Variants in PITPNB observed in about 807,000 individuals in gnomAD.
PITPNB encodes the protein phosphatidylinositol transfer protein beta isoform.
In PITPNB, 16 loss-of-function variants were observed where a neutral mutation model predicts 45.9. The observed-to-expected ratio is 0.35, with a 90% CI of 0.24 to 0.53. The LOEUF is 0.53. Among genes scored for constraint, PITPNB ranks in the 20% least tolerant of loss-of-function variants. The pLI, the probability that PITPNB is intolerant of heterozygous loss-of-function variation, is 0.93. For missense variants in PITPNB, 188 were observed against 330.5 expected (o/e 0.57, Z 3.34); for synonymous variants, 112 against 108.9 (o/e 1.03, Z -0.18).
intron 3 of PITPNB, among the ~76,000 whole-genome samples, chr22:27,901,134 T>G (rs1248210994): frequency 6.6e-6 from 1 of 152,196 alleles, no homozygotes; most frequent in Non-Finnish European, 1.5e-5. Flanking sequence ...TTTCAGCTGC[T>G]TAAGAGTGAA....
chr22:27,912,679 T>G (rs1408637518), intron 2 of PITPNB, among the ~76,000 whole-genome samples: 1 of 150,676 alleles, frequency 6.6e-6, no homozygotes, highest in Admixed American at 6.6e-5. Context: ...ACAGAAGGCA[T>G]GTTTTAAAAA....
At chr22:27,909,983 G>T (rs1282510624) in intron 3 of PITPNB, among the ~76,000 whole-genome samples, 1 of 141,296 alleles carries the variant, frequency 7.1e-6, no homozygotes, top group East Asian at 2.0e-4. Context: ...ACGGAGTCTC[G>T]CTCTGTCACC....
intron 7 of PITPNB, among the ~76,000 whole-genome samples, chr22:27,877,488 A>G (rs1361684445): frequency 1.3e-5 from 2 of 152,250 alleles, no homozygotes; most frequent in Non-Finnish European, 2.9e-5. Flanking sequence ...GCCACAGAAT[A>G]CACTCATTAA....
chr22:27,882,265 T>G (rs1162184977), intron 7 of PITPNB, among the ~76,000 whole-genome samples: 2 of 152,094 alleles, frequency 1.3e-5, no homozygotes, highest in East Asian at 3.9e-4. Flanking sequence ...ACACCCATGG[T>G]TTAAAACAAT....
chr22:27,856,575 G>A (rs1357314109), intron 10 of PITPNB, among the ~76,000 whole-genome samples: 1 of 152,340 alleles, frequency 6.6e-6, no homozygotes, highest in East Asian at 1.9e-4. Flanking sequence ...GTCCAAACCA[G>A]ATAGGGCTTA....
intron 8 of PITPNB, among the ~76,000 whole-genome samples, chr22:27,866,217 A>C (rs995920074): frequency 6.6e-6 from 1 of 152,246 alleles, no homozygotes; most frequent in Non-Finnish European, 1.5e-5. Context: ...TTCATCTGTA[A>C]TACAGTAAGC....
intron 8 of PITPNB, among the ~76,000 whole-genome samples, chr22:27,864,879 A>T (rs1020578738): frequency 1.3e-5 from 2 of 152,114 alleles, no homozygotes; most frequent in Non-Finnish European, 2.9e-5. Flanking sequence ...CAGAGGTTGC[A>T]GTGAGCTGAG....
intron 2 of PITPNB, among the ~76,000 whole-genome samples, chr22:27,913,736 G>A (rs1010449111): frequency 6.6e-6 from 1 of 152,188 alleles, no homozygotes; most frequent in African/African-American, 2.4e-5. Context: ...ATTAAGCCAA[G>A]TGAATGTGCT....
intron 7 of PITPNB, among the ~76,000 whole-genome samples, chr22:27,884,630 C>G (rs2146382931): frequency 6.6e-6 from 1 of 152,260 alleles, no homozygotes; most frequent in Non-Finnish European, 1.5e-5. Context: ...TGATCTTGAA[C>G]CATCTCATTT....
At chr22:27,916,543 G>A (rs563545284) in intron 1 of PITPNB, among the ~76,000 whole-genome samples, 1 of 152,328 alleles carries the variant, frequency 6.6e-6, no homozygotes, top group South Asian at 2.1e-4. Flanking sequence ...CAGGTGCGGT[G>A]ACTCACACCT....
chr22:27,897,938 C>A, intron 3 of PITPNB, 46 bp from the exon 4 acceptor site: 3 of 1,297,542 alleles, frequency 2.3e-6, no homozygotes, highest in East Asian at 2.3e-5. Context: ...ACCATCAATT[C>A]TTTCTTGGTA....
Position 27,860,188 on chromosome 22 carries a change from C to A in PITPNB, c.588G>T (p.Val196=). 1 of 1,613,938 alleles carries A rather than the reference C, an allele frequency of 6.2e-7. No individual in the cohort carries two copies. Among genetic ancestry groups the A allele is most frequent in the South Asian group, 1.1e-5 (1 of 91,044 alleles). ...DCPQMCAYKL[V]TIKFKWWGLQ... ...GTCCCCACCACTTGAATTTGATGGT[C>A]ACCAGCTTATAGGCACACATCTGGG... is the stretch of plus-strand genomic sequence containing the variant. Residue 196 remains valine (V), a synonymous_variant, in exon 9 of 12, where the codon GTG becomes GTT. Coordinates refer to ENST00000335272, the MANE Select transcript of PITPNB (RefSeq NM_012399.5).
At chr22:27,868,278 CTTTCCTGCCACTCTCTA>C in intron 8 of PITPNB, among the ~76,000 whole-genome samples, 1 of 152,160 alleles carries the variant, frequency 6.6e-6, no homozygotes, top group Non-Finnish European at 1.5e-5. Context: ...CTCTGGGTGG[CTTTCCTGCCACTCTCTA>C]TCTCAAAAGA....
chr22:27,882,592 A>G (rs1935004276), intron 7 of PITPNB, among the ~76,000 whole-genome samples: 1 of 152,266 alleles, frequency 6.6e-6, no homozygotes, highest in Non-Finnish European at 1.5e-5. Flanking sequence ...GAAACAGTTT[A>G]GATAAGCCCA....
intron 7 of PITPNB, among the ~76,000 whole-genome samples, chr22:27,886,819 A>G (rs1423942391): frequency 1.3e-5 from 2 of 152,238 alleles, no homozygotes; most frequent in Non-Finnish European, 2.9e-5. Flanking sequence ...CTCAAATTTA[A>G]TAATGCAGCT....
chr22:27,919,239 GC>G lies in PITPNB; in HGVS notation c.-49del. ...TGCCGCCGATACCACCGCCGCCGCC[GC>G]CGCTACCGCCTCTCACAGCGCCTGC... is the stretch of plus-strand genomic sequence containing the variant. On this transcript the variant is annotated 5_prime_UTR_variant, in exon 1 of 12. Transcript: ENST00000335272. 1 of 1,524,284 alleles carries G rather than the reference GC, an allele frequency of 6.6e-7. No homozygotes were observed. The highest frequency in any genetic ancestry group is 9.1e-7 in the Non-Finnish European group (1 of 1,101,098). The allele number at this position is 1,524,284 out of a possible 1,614,324, so 94.4% of individuals were successfully genotyped here.
At chr22:27,909,356 A>G (rs971979800) in intron 3 of PITPNB, among the ~76,000 whole-genome samples, 5 of 151,710 alleles carry the variant, frequency 3.3e-5, no homozygotes, top group African/African-American at 9.7e-5. Flanking sequence ...CTGAGCCACC[A>G]CACTTGGCCA....
intron 3 of PITPNB, among the ~76,000 whole-genome samples, chr22:27,902,465 T>A (rs1457573545): frequency 1.3e-5 from 2 of 152,186 alleles, no homozygotes; most frequent in Non-Finnish European, 2.9e-5. Flanking sequence ...GATTTCAGTT[T>A]TACGACCATT....
intron 1 of PITPNB, among the ~76,000 whole-genome samples, chr22:27,915,748 T>C (rs1256100278): frequency 6.6e-6 from 1 of 152,228 alleles, no homozygotes; most frequent in Non-Finnish European, 1.5e-5. Context: ...CTTCTCAGTA[T>C]ACACTAACTT....
Sources: allele counts gnomAD v4.1 joint callset (sites outside exome capture counted in the v4.1 genomes callset), GRCh38; gene constraint gnomAD v4.1.1; transcripts MANE v1.5; gene names NCBI Gene and HGNC (gene_info 2026-07-23, HGNC 2026-07-21).